The following TDRD12 variants were observed in gnomAD, a reference collection of about 807,000 sequenced individuals.
TDRD12 encodes tudor domain containing 12, also known as putative ATP-dependent RNA helicase TDRD12.
A neutral mutation model predicts 133.5 loss-of-function variants in TDRD12; 158 were observed. The observed-to-expected ratio is 1.18, with a 90% CI of 1.04 to 1.35. The LOEUF (loss-of-function observed/expected upper bound fraction) is 1.35, where lower values mean the gene tolerates loss of function less well. TDRD12 is among the 40% of genes most tolerant of loss of function. The pLI is 0.00. For missense variants in TDRD12, 1,443 were observed against 1,321.3 expected (o/e 1.09, Z -1.43); for synonymous variants, 460 against 477.9 (o/e 0.96, Z 0.49).
chr19:32,777,730 G>A (rs1018368333), intron 11 of TDRD12, among the ~76,000 whole-genome samples: 5 of 145,532 alleles, frequency 3.4e-5, no homozygotes, highest in African/African-American at 7.6e-5. Flanking sequence ...CTGCAGCTTC[G>A]ACCTCCTAGG....
chr19:32,828,697 G>A (rs1967665127), exon 10 of TDRD12: 1 of 152,194 alleles, frequency 6.6e-6, no homozygotes, highest in Non-Finnish European at 1.5e-5. Context: ...GGTGAACTTT[G>A]TCATCAAGCT....
chr19:32,726,685 T>C (rs1968873602), intron 1 of TDRD12, among the ~76,000 whole-genome samples: 1 of 151,854 alleles, frequency 6.6e-6, no homozygotes, highest in South Asian at 2.1e-4. Context: ...GAGGATTGCT[T>C]GAGGTGAGGA....
chr19:32,744,797 T>C (rs1969552736), intron 4 of TDRD12, among the ~76,000 whole-genome samples: 1 of 151,920 alleles, frequency 6.6e-6, no homozygotes, highest in Admixed American at 6.6e-5. Flanking sequence ...CCTCCTCTTC[T>C]CCCTTCCCGG....
Position 32,775,678 on chromosome 19 carries a change from GT to G in TDRD12, c.1041-1468del, listed in dbSNP as rs201997576. On this transcript the variant is annotated intron_variant, in intron 10 of 27. Coordinates refer to ENST00000444215, the Ensembl canonical transcript of TDRD12. The stretch of plus-strand genomic sequence containing the variant: ...TTTTCCTTGTTTTTTTTTTTCAAAA[GT>G]TTATATTTCTTTGCTGAGAACTTGT... Among the ~76,000 whole-genome samples, 1,187 of 151,322 alleles carry G rather than the reference GT, an allele frequency of 7.8e-3. 15 individuals carry two copies. The highest frequency in any genetic ancestry group is 0.027 in the African/African-American group (1,125 of 41,234).
intron 11 of TDRD12, among the ~76,000 whole-genome samples, chr19:32,778,064 G>A (rs1409965743): frequency 6.6e-6 from 1 of 151,204 alleles, no homozygotes; most frequent in Non-Finnish European, 1.5e-5. Context: ...TACATTCCAA[G>A]TAACTGTAGC....
At chr19:32,797,865 C>G (rs1351831159) in exon 15 of TDRD12, 6 of 698,942 alleles carry the variant, frequency 8.6e-6, no homozygotes, top group Non-Finnish European at 1.6e-5. Flanking sequence ...AAAGAGGAAG[C>G]CAAAAATACA....
intron 10 of TDRD12, among the ~76,000 whole-genome samples, chr19:32,773,981 T>C (rs955647961): frequency 2.6e-5 from 4 of 152,166 alleles, no homozygotes; most frequent in Non-Finnish European, 4.4e-5. Flanking sequence ...AGAGTGGTCC[T>C]GATGAGAGGG....
chr19:32,791,800 C>T (rs1051732133), intron 13 of TDRD12, among the ~76,000 whole-genome samples: 3 of 152,084 alleles, frequency 2.0e-5, no homozygotes, highest in Non-Finnish European at 2.9e-5. Context: ...ATGAACAGGG[C>T]CTGCTTGCCT....
At chr19:32,803,787 T>C (rs1971466863) in intron 21 of TDRD12, among the ~76,000 whole-genome samples, 1 of 152,184 alleles carries the variant, frequency 6.6e-6, no homozygotes. Flanking sequence ...ATTGTGATGT[T>C]AATATGCATT....
intron 5 of TDRD12, among the ~76,000 whole-genome samples, 159 bp downstream of exon 5, chr19:32,748,690 A>C (rs1969731263): frequency 6.6e-6 from 1 of 152,226 alleles, no homozygotes; most frequent in Non-Finnish European, 1.5e-5. Context: ...CTCAAGTGCC[A>C]CAGTAACTCT....
chr19:32,768,370 G>A (rs1224650797), intron 8 of TDRD12, among the ~76,000 whole-genome samples: 1 of 149,036 alleles, frequency 6.7e-6, no homozygotes, highest in Non-Finnish European at 1.5e-5. Context: ...ATCATTTCTG[G>A]TGGTGGTCTT....
intron 5 of TDRD12, among the ~76,000 whole-genome samples, chr19:32,749,118 C>T (rs555123790): frequency 1.2e-3 from 181 of 152,236 alleles, no homozygotes; most frequent in Middle Eastern, 3.4e-3. Context: ...TGGCCCCACT[C>T]CTGTGCTGTG....
chr19:32,739,994 G>A (rs901843878), intron 3 of TDRD12, among the ~76,000 whole-genome samples: 1 of 114,390 alleles, frequency 8.7e-6, no homozygotes, highest in South Asian at 3.3e-4. Context: ...TGCATCTCCT[G>A]GGTGCTCTCT....
chr19:32,730,963 T>C (rs988418252), intron 1 of TDRD12, among the ~76,000 whole-genome samples: 3 of 152,164 alleles, frequency 2.0e-5, no homozygotes, highest in African/African-American at 7.2e-5. Context: ...TGCAGTGAGC[T>C]GAGATTGCGC....
intron 3 of TDRD12, 102 bp from the exon 4 acceptor site, chr19:32,742,679 T>C (rs765909374): frequency 2.5e-6 from 3 of 1,221,456 alleles, no homozygotes; most frequent in Non-Finnish European, 3.3e-6. Flanking sequence ...TTTTTGTGTG[T>C]TTTGTTTTAC....
chr19:32,746,949 A>AG (rs1182083401), intron 4 of TDRD12, among the ~76,000 whole-genome samples: 3 of 121,608 alleles, frequency 2.5e-5, no homozygotes, highest in Non-Finnish European at 5.1e-5. Flanking sequence ...AGAGAGAGAG[A>AG]GGGGGAGAGA....
Position 32,731,711 on chromosome 19 carries a change from TAA to T in TDRD12, c.25-9_25-8del. 1 of 1,527,066 alleles carries T rather than the reference TAA, an allele frequency of 6.5e-7. No individual in the cohort carries two copies. Among genetic ancestry groups the T allele is most frequent in the South Asian group, 1.3e-5 (1 of 79,488 alleles). The allele number at this position is 1,527,066 out of a possible 1,614,324, so 94.6% of individuals were successfully genotyped here. A position where few individuals can be genotyped will look rare whatever the true frequency, so the allele number is the denominator to read the frequency against. On this transcript the variant is annotated splice_polypyrimidine_tract_variant and intron_variant, in intron 1 of 27. Coordinates refer to ENST00000444215, the Ensembl canonical transcript of TDRD12. ...ATCATACGCTGTTCTGTTTGTCTTTTAAAAAATTTACAGATTGAAGATCCAGG... is the reference window on the plus strand; with the variant it reads ...ATCATACGCTGTTCTGTTTGTCTTTTAAAATTTACAGATTGAAGATCCAGG...
intron 25 of TDRD12, among the ~76,000 whole-genome samples, chr19:32,814,686 C>A (rs1967116400): frequency 6.6e-6 from 1 of 152,194 alleles, no homozygotes; most frequent in Admixed American, 6.5e-5. Flanking sequence ...GCAGATGTGT[C>A]CACACTGCAG....
intron 22 of TDRD12, 60 bp downstream of exon 22, chr19:32,807,708 T>C: frequency 8.0e-7 from 1 of 1,255,230 alleles, no homozygotes; most frequent in Non-Finnish European, 1.1e-6. Context: ...TAAACGTGTT[T>C]TATTTGTTAA....
Sources: allele counts gnomAD v4.1 joint callset (sites outside exome capture counted in the v4.1 genomes callset), GRCh38; gene constraint gnomAD v4.1.1; transcripts MANE v1.5; gene names NCBI Gene and HGNC (gene_info 2026-07-23, HGNC 2026-07-21).